Variants in UBXN4 observed in about 807,000 individuals in gnomAD.
UBXN4 encodes UBX domain-containing protein 4.
Under a neutral mutation model 66.2 loss-of-function variants are expected in UBXN4, and 35 were observed. The ratio of observed to expected loss-of-function variants is 0.53; its 90% CI spans 0.40 to 0.70. The LOEUF is 0.70. Ranked by LOEUF, UBXN4 falls within the 30% of genes least tolerant of loss-of-function variation. The pLI is 0.00. For missense variants in UBXN4, 533 were observed against 599.8 expected (o/e 0.89, Z 1.16); for synonymous variants, 203 against 204.5 (o/e 0.99, Z 0.06).
rs552094532 is a variant in UBXN4 at position 135,760,267 on chromosome 2, T to A, written c.509-1551T>A. ...GCAGTGTGACAAAACCCAGTCTCCA[T>A]ACAAAATACAAAAATTAGCCAGGCA... On this transcript the variant is annotated intron_variant, in intron 5 of 12. Coordinates refer to ENST00000272638, the MANE Select transcript of UBXN4 (RefSeq NM_014607.4). Among the ~76,000 whole-genome samples the A allele has an allele frequency of 3.3e-5, 5 of 151,954 alleles. No individual in the cohort carries two copies. In the East Asian group the frequency reaches 9.7e-4, roughly 30 times the overall value.
intron 2 of UBXN4, among the ~76,000 whole-genome samples, chr2:135,748,900 G>GCAAAAAAAATACAAAAAT (rs2105491910): frequency 6.6e-6 from 1 of 151,946 alleles, no homozygotes; most frequent in African/African-American, 2.4e-5. Context: ...GCCGGGTGTG[G>GCAAAAAAAATACAAAAAT]TGGCACACGC....
chr2:135,771,334 G>A (rs2077381941), intron 8 of UBXN4, among the ~76,000 whole-genome samples: 1 of 152,114 alleles, frequency 6.6e-6, no homozygotes. Flanking sequence ...AAAATTAATC[G>A]GGTGTGGTGG....
At chr2:135,767,630 T>A (rs886252582) in intron 6 of UBXN4, among the ~76,000 whole-genome samples, 1 of 152,244 alleles carries the variant, frequency 6.6e-6, no homozygotes, top group Non-Finnish European at 1.5e-5. Flanking sequence ...TCTGTTTGAC[T>A]CTACCTTGAT....
chr2:135,748,188 G>C (rs1433393059), intron 1 of UBXN4, 79 bp from the exon 2 acceptor site: 8 of 1,099,388 alleles, frequency 7.3e-6, no homozygotes, highest in Non-Finnish European at 8.9e-6. Context: ...TTTTATTTGA[G>C]GTTTCCGTTT....
intron 2 of UBXN4, among the ~76,000 whole-genome samples, chr2:135,749,943 G>A (rs982954701): frequency 6.6e-6 from 1 of 152,132 alleles, no homozygotes; most frequent in Non-Finnish European, 1.5e-5. Context: ...TTTGTTGACT[G>A]CAATGTGTTA....
intron 7 of UBXN4, 71 bp downstream of exon 7, chr2:135,769,894 T>C: frequency 7.2e-7 from 1 of 1,383,948 alleles, no homozygotes; most frequent in Non-Finnish European, 9.9e-7. Flanking sequence ...TTCTATTCAG[T>C]GTGGCAGGCC....
At position 135,769,523 on chromosome 2, in the gene UBXN4, G is replaced by GA. The variant is rs949733052; in HGVS notation, c.603-239dup. Reference sequence around the variant, plus strand: ...TTTAAAGTCAATATCAGGTAAATCAGAAAAAAAGGGAAACTAATCATAAGT... The same window carrying GA: ...TTTAAAGTCAATATCAGGTAAATCAGAAAAAAAAGGGAAACTAATCATAAGT... On this transcript the variant is annotated intron_variant, in intron 6 of 12. Coordinates refer to ENST00000272638, the MANE Select transcript of UBXN4 (RefSeq NM_014607.4). Among the ~76,000 whole-genome samples the GA allele has an allele frequency of 2.6e-5, 4 of 151,368 alleles. No individual in the cohort carries two copies. The East Asian group carries it at 7.7e-4, about 29-fold the overall frequency.
intron 4 of UBXN4, 114 bp from the exon 5 acceptor site, chr2:135,755,403 C>A: frequency 2.7e-6 from 2 of 744,952 alleles, no homozygotes; most frequent in Non-Finnish European, 1.9e-6. Context: ...TATTTATGAG[C>A]ATTTCGTATT....
intron 5 of UBXN4, among the ~76,000 whole-genome samples, chr2:135,761,122 G>A (rs1246189917): frequency 2.0e-5 from 3 of 152,200 alleles, no homozygotes; most frequent in Non-Finnish European, 4.4e-5. Context: ...TGACTGTGTG[G>A]CTCCAGAGTC....
intron 12 of UBXN4, among the ~76,000 whole-genome samples, chr2:135,781,889 A>G (rs1262055805): frequency 1.3e-5 from 2 of 152,220 alleles, no homozygotes; most frequent in Non-Finnish European, 2.9e-5. Flanking sequence ...CCTGGGCAAC[A>G]TAGTGAGGCT....
At chr2:135,771,362 GCTA>G in intron 8 of UBXN4, among the ~76,000 whole-genome samples, 1 of 151,872 alleles carries the variant, frequency 6.6e-6, no homozygotes. Flanking sequence ...CTATAATCCT[GCTA>G]CTTGGGAGGC....
chr2:135,783,900 TG>T lies in UBXN4; in HGVS notation c.*1014del, dbSNP rs1471065872. On this transcript the variant is annotated 3_prime_UTR_variant, in exon 13 of 13. Coordinates refer to ENST00000272638, the MANE Select transcript of UBXN4 (RefSeq NM_014607.4). The stretch of plus-strand genomic sequence containing the variant: ...TTGTTAGTGGAGACCGCTAAACTAA[TG>T]ATGTTTGAAAACAGTTCCTCTGTTT... The T allele has an allele frequency of 7.2e-5, 11 of 152,234 alleles. No individual in the cohort carries two copies. Among genetic ancestry groups the T allele is most frequent in the African/African-American group, 2.7e-4 (11 of 41,470 alleles). 9.4% of individuals were successfully genotyped at this position (152,234 alleles called of 1,614,324 possible). A position where few individuals can be genotyped will look rare whatever the true frequency, so the allele number is the denominator to read the frequency against.
chr2:135,741,860 C>CGGAGGGCGGAGCCGGCTTCG lies in UBXN4; in HGVS notation c.-66_-47dup. ...CGGGGGCCGCAGAGCCGGACGAAGA[C>CGGAGGGCGGAGCCGGCTTCG]GGAGGGCGGAGCCGGCTTCGGGACT... On this transcript the variant is annotated 5_prime_UTR_variant, in exon 1 of 13. Transcript: ENST00000272638. The CGGAGGGCGGAGCCGGCTTCG allele has an allele frequency of 6.6e-7, 1 of 1,524,774 alleles. No homozygotes were observed. The highest frequency in any genetic ancestry group is 8.9e-7 in the Non-Finnish European group (1 of 1,126,850). 94.5% of individuals were successfully genotyped at this position (1,524,774 alleles called of 1,614,324 possible). A position where few individuals can be genotyped will look rare whatever the true frequency, so the allele number is the denominator to read the frequency against.
intron 6 of UBXN4, among the ~76,000 whole-genome samples, chr2:135,769,216 G>T (rs2077367362): frequency 6.6e-6 from 1 of 151,638 alleles, no homozygotes; most frequent in African/African-American, 2.4e-5. Flanking sequence ...TGCTCAAGCT[G>T]GTCTTTAGCT....
intron 5 of UBXN4, among the ~76,000 whole-genome samples, chr2:135,761,065 C>G (rs2077312938): frequency 6.6e-6 from 1 of 152,172 alleles, no homozygotes; most frequent in South Asian, 2.1e-4. Flanking sequence ...AGGTTACTAT[C>G]CCCATTTTAC....
intron 1 of UBXN4, among the ~76,000 whole-genome samples, chr2:135,744,369 G>A (rs956414103): frequency 2.6e-5 from 4 of 150,992 alleles, no homozygotes; most frequent in African/African-American, 9.9e-5. Context: ...GTTAGGAGAC[G>A]AGAGATTACT....
chr2:135,745,900 A>ATGGAGTCTCACTCTGCCGCCAGGC (rs1180035475), intron 1 of UBXN4, among the ~76,000 whole-genome samples: 1 of 8,128 alleles, frequency 1.2e-4, no homozygotes, highest in Non-Finnish European at 5.7e-4. Context: ...TTTTTTTGAG[A>ATGGAGTCTCACTCTGCCGCCAGGC]TGGAGTCTCA....
chr2:135,751,272 C>T (rs771600208), intron 2 of UBXN4, among the ~76,000 whole-genome samples: 14 of 151,574 alleles, frequency 9.2e-5, no homozygotes, highest in Admixed American at 5.3e-4. Flanking sequence ...CTGCAAGCTC[C>T]GCCTCCCGGG....
chr2:135,784,536 C>A lies in UBXN4; in HGVS notation c.*1649C>A, dbSNP rs2077471631. On this transcript the variant is annotated 3_prime_UTR_variant, in exon 13 of 13. Coordinates refer to ENST00000272638, the MANE Select transcript of UBXN4 (RefSeq NM_014607.4). ...TGTGATTTTAGTGGTATTTTTGGCACCCTTATATATGTTTTCCAAACTTTC... is the reference window on the plus strand; with the variant it reads ...TGTGATTTTAGTGGTATTTTTGGCAACCTTATATATGTTTTCCAAACTTTC... 2 of 152,390 alleles carry A rather than the reference C, an allele frequency of 1.3e-5. No homozygotes were observed. Among genetic ancestry groups the A allele is most frequent in the South Asian group, 4.2e-4 (2 of 4,818 alleles). 9.4% of individuals were successfully genotyped at this position (152,390 alleles called of 1,614,324 possible). A position where few individuals can be genotyped will look rare whatever the true frequency, so the allele number is the denominator to read the frequency against.
Sources: allele counts gnomAD v4.1 joint callset (sites outside exome capture counted in the v4.1 genomes callset), GRCh38; gene constraint gnomAD v4.1.1; transcripts MANE v1.5; gene names NCBI Gene and HGNC (gene_info 2026-07-23, HGNC 2026-07-21).